Variants in CAMK4 observed in about 807,000 individuals in gnomAD.
The protein encoded by CAMK4 is calcium/calmodulin-dependent protein kinase type IV.
A neutral mutation model predicts 44.9 loss-of-function variants in CAMK4; 22 were observed. The observed-to-expected ratio is 0.49, with a 90% CI of 0.35 to 0.70. The LOEUF is 0.70. CAMK4 is among the 30% of genes least tolerant of loss of function. The probability of loss-of-function intolerance (pLI) is 0.01; values close to 1 mark genes in which losing one functional copy is unlikely to be tolerated. For synonymous variants in CAMK4, 218 were observed against 215.4 expected (o/e 1.01, Z -0.11); for missense variants, 498 against 586.8 (o/e 0.85, Z 1.56).
chr5:111,227,335 T>A (rs944306719), intron 1 of CAMK4, among the ~76,000 whole-genome samples: 1 of 152,224 alleles, frequency 6.6e-6, no homozygotes, highest in African/African-American at 2.4e-5. Context: ...TACTCTCAGC[T>A]TTGGACCAAA....
chr5:111,296,407 G>A (rs1402334588), intron 1 of CAMK4, among the ~76,000 whole-genome samples: 1 of 152,112 alleles, frequency 6.6e-6, no homozygotes, highest in East Asian at 1.9e-4. Context: ...GGTTCATTAG[G>A]GATGAATGTT....
rs751214356 is a variant in CAMK4, at chr5:111,268,155, T to C, written c.161+43511T>C. Among the ~76,000 whole-genome samples the C allele has an allele frequency of 4.4e-4, 67 of 152,346 alleles. 1 individual carries two copies. The highest frequency in any genetic ancestry group is 8.4e-4 in the Non-Finnish European group (57 of 68,032). On this transcript the variant is annotated intron_variant, in intron 1 of 10. Transcript: ENST00000282356. ...TTACTACTGTAGATCCATGGACACATTAGATCCATTGGGGATGAGCGATTC... is the reference window on the plus strand; with the variant it reads ...TTACTACTGTAGATCCATGGACACACTAGATCCATTGGGGATGAGCGATTC...
intron 9 of CAMK4, among the ~76,000 whole-genome samples, chr5:111,480,286 A>ACACACACACCCACC (rs1163614814): frequency 6.7e-6 from 1 of 148,880 alleles, no homozygotes; most frequent in African/African-American, 2.5e-5. Flanking sequence ...ACACACACAC[A>ACACACACACCCACC]CACCCCTGGG....
At chr5:111,434,216 C>T (rs1298740884) in intron 5 of CAMK4, among the ~76,000 whole-genome samples, 1 of 150,152 alleles carries the variant, frequency 6.7e-6, no homozygotes, top group Non-Finnish European at 1.5e-5. Flanking sequence ...TCGCTTGAAT[C>T]TGGGAGGCGG....
intron 4 of CAMK4, among the ~76,000 whole-genome samples, chr5:111,381,459 G>A (rs1276022683): frequency 6.6e-6 from 1 of 152,142 alleles, no homozygotes; most frequent in African/African-American, 2.4e-5. Flanking sequence ...GAAAGCTGAA[G>A]AACTTGGAGT....
At chr5:111,296,369 A>AT (rs1747485431) in intron 1 of CAMK4, among the ~76,000 whole-genome samples, 1 of 152,238 alleles carries the variant, frequency 6.6e-6, no homozygotes. Context: ...TGGCATTTAT[A>AT]TTATAGAAGT....
chr5:111,471,752 C>A (rs567301038), intron 7 of CAMK4, among the ~76,000 whole-genome samples: 8 of 152,194 alleles, frequency 5.3e-5, no homozygotes, highest in African/African-American at 1.9e-4. Flanking sequence ...TTTTATGTAA[C>A]CCAGCTTCTA....
At chr5:111,425,261 T>C (rs1180138817) in intron 5 of CAMK4, among the ~76,000 whole-genome samples, 4 of 152,208 alleles carry the variant, frequency 2.6e-5, no homozygotes, top group African/African-American at 9.7e-5. Flanking sequence ...GCAACTTTCA[T>C]TCAATTATTA....
At chr5:111,413,316 C>T (rs1202689974) in intron 5 of CAMK4, among the ~76,000 whole-genome samples, 1 of 152,144 alleles carries the variant, frequency 6.6e-6, no homozygotes, top group African/African-American at 2.4e-5. Context: ...CAGTGGCTCA[C>T]GCCTGTAATC....
intron 5 of CAMK4, 63 bp from the exon 6 acceptor site, chr5:111,446,623 G>A: frequency 1.2e-6 from 1 of 817,344 alleles, no homozygotes; most frequent in Non-Finnish European, 2.0e-6. Flanking sequence ...AAAAGATTAA[G>A]TATAGACATT....
At chr5:111,457,924 A>C (rs1262559567) in intron 7 of CAMK4, among the ~76,000 whole-genome samples, 1 of 152,234 alleles carries the variant, frequency 6.6e-6, no homozygotes, top group Non-Finnish European at 1.5e-5. Flanking sequence ...TAAAAAATCT[A>C]GTTAATTAAA....
intron 1 of CAMK4, among the ~76,000 whole-genome samples, chr5:111,326,089 A>G (rs866585108): frequency 2.0e-5 from 3 of 152,052 alleles, no homozygotes; most frequent in Non-Finnish European, 4.4e-5. Context: ...TTTCAAAGGA[A>G]GTAGAAAAGA....
intron 1 of CAMK4, among the ~76,000 whole-genome samples, chr5:111,248,975 G>T (rs1442707890): frequency 2.0e-5 from 3 of 147,178 alleles, no homozygotes; most frequent in Admixed American, 6.8e-5. Flanking sequence ...TGTGTGGGGG[G>T]GTCACCTTAA....
At chr5:111,417,433 C>A (rs2112908644) in intron 5 of CAMK4, among the ~76,000 whole-genome samples, 1 of 152,106 alleles carries the variant, frequency 6.6e-6, no homozygotes, top group South Asian at 2.1e-4. Context: ...CCAGGCTGGT[C>A]TCAAACTCCT....
At chr5:111,440,644 T>A (rs1324848140) in intron 5 of CAMK4, among the ~76,000 whole-genome samples, 1 of 119,832 alleles carries the variant, frequency 8.3e-6, no homozygotes, top group Admixed American at 8.3e-5. Context: ...AAATTTCTAT[T>A]AAATTAGAAA....
intron 5 of CAMK4, among the ~76,000 whole-genome samples, chr5:111,402,020 A>G (rs1404493792): frequency 4.6e-5 from 7 of 152,230 alleles, no homozygotes; most frequent in South Asian, 4.1e-4. Context: ...AAAAGCTGCA[A>G]ACTGGATTCA....
intron 1 of CAMK4, among the ~76,000 whole-genome samples, chr5:111,235,799 G>A (rs543249056): frequency 1.7e-4 from 26 of 152,340 alleles, no homozygotes; most frequent in African/African-American, 5.8e-4. Context: ...GCAGCAGAGC[G>A]TTGGTCCGAG....
At chr5:111,247,730 G>T (rs926858562) in intron 1 of CAMK4, among the ~76,000 whole-genome samples, 1 of 151,952 alleles carries the variant, frequency 6.6e-6, no homozygotes, top group Non-Finnish European at 1.5e-5. Context: ...GATAATGGAG[G>T]ATAATCTACT....
At chr5:111,421,646 T>G (rs968365928) in intron 5 of CAMK4, among the ~76,000 whole-genome samples, 12 of 152,196 alleles carry the variant, frequency 7.9e-5, no homozygotes, top group Non-Finnish European at 1.5e-4. Flanking sequence ...AGGTTTGTCT[T>G]GTTTTTTTGT....
Sources: allele counts gnomAD v4.1 joint callset (sites outside exome capture counted in the v4.1 genomes callset), GRCh38; gene constraint gnomAD v4.1.1; transcripts MANE v1.5; gene names NCBI Gene and HGNC (gene_info 2026-07-23, HGNC 2026-07-21).